Variants in DDOST observed in about 807,000 individuals in gnomAD.
The protein encoded by DDOST is dolichyl-diphosphooligosaccharide--protein glycosyltransferase non-catalytic subunit, also known as dolichyl-diphosphooligosaccharide--protein glycosyltransferase 48 kDa subunit.
Under a neutral mutation model 47.6 loss-of-function variants are expected in DDOST, and 25 were observed. The ratio of observed to expected loss-of-function variants is 0.53; its 90% CI spans 0.38 to 0.73. The LOEUF (loss-of-function observed/expected upper bound fraction) is 0.73, where lower values mean the gene tolerates loss of function less well. Among genes scored for constraint, DDOST ranks in the 30% least tolerant of loss-of-function variants. The pLI is 0.00. For missense variants in DDOST, 526 were observed against 573.9 expected, an observed-to-expected ratio of 0.92 and a Z score of 0.85; for synonymous variants, 275 against 236.0, an observed-to-expected ratio of 1.17 and a Z score of -1.51.
At chr1:20,652,755 G>A in intron 9 of DDOST, 28 bp from the exon 10 acceptor site, 1 of 1,613,872 alleles carries the variant, frequency 6.2e-7, no homozygotes, top group Non-Finnish European at 8.5e-7. Flanking sequence ...AGAATAACCG[G>A]GAGGGGTTTC....
chr1:20,653,183 T>C (rs1451913111), intron 8 of DDOST: 1 of 604,942 alleles, frequency 1.7e-6, no homozygotes, highest in Non-Finnish European at 2.9e-6. Context: ...TCTCTGCCTC[T>C]TCTCTGAAGG....
Position 20,653,670 on chromosome 1 carries a change from C to T in DDOST, c.899G>A (p.Gly300Asp), listed in dbSNP as rs754936579. ...GTAGGCATTGGGTGGGGCTGTCTCG[C>T]CCACCCGATGATGGGACACAGGCCC... is the stretch of plus-strand genomic sequence containing the variant. Reference protein sequence around the residue: ...RVGPVSHHRVGETAPPNAYTV... With the variant: ...RVGPVSHHRVDETAPPNAYTV... The change falls in exon 8 of 11, where the codon GGC (glycine) becomes GAC (aspartate). Residue 300 changes from glycine to aspartate, a missense_variant. Gly to Asp is a moderately conservative substitution (Grantham distance 94). Transcript: ENST00000602624. 1 of 1,613,474 alleles carries T rather than the reference C, an allele frequency of 6.2e-7. No individual in the cohort carries two copies. Among genetic ancestry groups the T allele is most frequent in the South Asian group, 1.1e-5 (1 of 91,044 alleles).
chr1:20,659,912 AAAAC>A lies in DDOST; in HGVS notation c.265+965_265+968del, dbSNP rs370842968. Among the ~76,000 whole-genome samples, 482 of 152,320 alleles carry A rather than the reference AAAAC, an allele frequency of 3.2e-3. 4 individuals are homozygous for A. The highest frequency in any genetic ancestry group is 9.6e-3 in the African/African-American group (399 of 41,562). ...GGACAAAGCAAGACCCTGTCTCAAA[AAAAC>A]AAACAAACAAAAAAGGCACCAATGA... On this transcript the variant is annotated intron_variant, in intron 2 of 10. Transcript: ENST00000602624.
chr1:20,658,243 T>C (rs2053396726), intron 2 of DDOST, among the ~76,000 whole-genome samples: 1 of 152,226 alleles, frequency 6.6e-6, no homozygotes, highest in Non-Finnish European at 1.5e-5. Flanking sequence ...CTTGTAGACA[T>C]GATTGCCAGT....
rs1408934262 is a variant in DDOST at position 20,660,921 on chromosome 1, G to A, written c.225C>T (p.Phe75=). 2.0e-5 allele frequency: 33 copies of A among 1,613,274 alleles called. No homozygotes were observed. The highest frequency in any genetic ancestry group is 2.6e-5 in the Non-Finnish European group (31 of 1,179,284). Residue 75 remains phenylalanine (F), a synonymous_variant, in exon 2 of 11, where the codon TTC becomes TTT. Transcript: ENST00000602624. The stretch of plus-strand genomic sequence containing the variant: ...AGAAAATGATGAGATTGTCATAGAG[G>A]AATTCCCCATACTTTATGAGAGACA... The part of the protein sequence containing the change: ...PSLSLIKYGE[F]LYDNLIIFSP...
rs1328267225 is a variant in DDOST at position 20,654,362 on chromosome 1, C to T, written c.655G>A (p.Ala219Thr). The T allele has an allele frequency of 1.9e-6, 3 of 1,559,498 alleles. No individual in the cohort carries two copies. Among genetic ancestry groups the T allele is most frequent in the Non-Finnish European group, 2.6e-6 (3 of 1,150,656 alleles). ...ATGAGGAGGGTGTTCTTCCCCACCGCATGTGGATACTGGGAACAAAACGAG... is the reference window on the plus strand; with the variant it reads ...ATGAGGAGGGTGTTCTTCCCCACCGTATGTGGATACTGGGAACAAAACGAG... The part of the protein sequence containing the change: ...PDKPITQYPH[A>T]VGKNTLLIAG... Residue 219 changes from alanine to threonine, a missense_variant, in exon 7 of 11, where the codon GCG becomes ACG. Coordinates refer to ENST00000602624, the MANE Select transcript of DDOST (RefSeq NM_005216.5).
At position 20,651,779 on chromosome 1, in the gene DDOST, T is replaced by G. The variant is rs913513624; in HGVS notation, c.*600A>C. On this transcript the variant is annotated 3_prime_UTR_variant, in exon 11 of 11. Coordinates refer to ENST00000602624, the MANE Select transcript of DDOST (RefSeq NM_005216.5). ...ACCAGGACCGGGGCCAGGTGAAGTT[T>G]GAGGGCAACATCTCGCTTTATTTTT... The G allele has an allele frequency of 6.8e-6, 1 of 146,612 alleles. No individual in the cohort carries two copies. The highest frequency in any genetic ancestry group is 1.5e-5 in the Non-Finnish European group (1 of 66,406). 9.1% of individuals were successfully genotyped at this position (146,612 alleles called of 1,614,324 possible).
chr1:20,652,934 T>A lies in DDOST; in HGVS notation c.980A>T (p.Lys327Ile). The A allele has an allele frequency of 6.2e-7, 1 of 1,614,192 alleles. No homozygotes were observed. The highest frequency in any genetic ancestry group is 8.5e-7 in the Non-Finnish European group (1 of 1,180,024). ...GTCATCGCCATCAAAGGGGACCCAT[T>A]TGCCATTTGAGAGCTGCTGGATCAC... is the stretch of plus-strand genomic sequence containing the variant. ...SIVIQQLSNG[K>I]WVPFDGDDIQ... The change falls in exon 9 of 11, where the codon AAA becomes ATA. Residue 327 changes from lysine to isoleucine, a missense_variant. Lys to Ile is a moderately radical substitution (Grantham distance 102). Transcript: ENST00000602624.
In DDOST at chr1:20,655,392, C is replaced by T. The variant is rs372393674; in HGVS notation, c.551+48G>A. 265 of 1,426,986 alleles carry T rather than the reference C, an allele frequency of 1.9e-4. 1 individual carries two copies. The African/African-American group carries it at 3.4e-3, about 18-fold the overall frequency. 88.4% of individuals were successfully genotyped at this position (1,426,986 alleles called of 1,614,324 possible). On this transcript the variant is annotated intron_variant, in intron 5 of 10. Coordinates refer to ENST00000602624, the MANE Select transcript of DDOST (RefSeq NM_005216.5). ...GATTTCCCAAAAAAATTAAGTGACC[C>T]CTTCTTCCCCCAGGTTTCTGCTGTC...
In DDOST at chr1:20,652,832, G is replaced by C. The variant is rs755396887; in HGVS notation, c.1063+19C>G. 1 of 1,614,056 alleles carries C rather than the reference G, an allele frequency of 6.2e-7. No homozygotes were observed. The highest frequency in any genetic ancestry group is 1.1e-5 in the South Asian group (1 of 91,084). The stretch of plus-strand genomic sequence containing the variant: ...TGGGGCCGTTTCTGGCAGCATCCTC[G>C]TGCAGGAACTACACTCACCTTTCTT... On this transcript the variant is annotated intron_variant, in intron 9 of 10. Transcript: ENST00000602624.
intron 2 of DDOST, among the ~76,000 whole-genome samples, chr1:20,657,602 A>G (rs1243188217): frequency 6.6e-6 from 1 of 152,184 alleles, no homozygotes; most frequent in Non-Finnish European, 1.5e-5. Context: ...AAGGACGGAC[A>G]TGCCAATTTC....
chr1:20,653,066 A>C, intron 8 of DDOST, 95 bp from the exon 9 acceptor site: 1 of 1,521,150 alleles, frequency 6.6e-7, no homozygotes, highest in Non-Finnish European at 9.0e-7. Flanking sequence ...CCCGACGAAC[A>C]TGGCAGGAAT....
At position 20,655,489 on chromosome 1, in the gene DDOST, T is replaced by C. The variant is rs372948054; in HGVS notation, c.502A>G (p.Thr168Ala). ...TTTAGAGATGATTTCCCAACGATGGTTGGGGCCTTCAGCAGGTTCTCAGTG... is the reference window on the plus strand; with the variant it reads ...TTTAGAGATGATTTCCCAACGATGGCTGGGGCCTTCAGCAGGTTCTCAGTG... ...ADTENLLKAP[T>A]IVGKSSLNPI... Residue 168 changes from threonine to alanine, a missense_variant, in exon 5 of 11, where the codon ACC becomes GCC. Transcript: ENST00000602624. 3.5e-5 allele frequency: 56 copies of C among 1,613,966 alleles called. No homozygotes were observed. Among genetic ancestry groups the C allele is most frequent in the Middle Eastern group, 3.3e-4 (2 of 6,062 alleles).
chr1:20,653,220 G>C, intron 8 of DDOST: 1 of 565,566 alleles, frequency 1.8e-6, no homozygotes, highest in South Asian at 2.2e-5. Flanking sequence ...CAGTATTCAT[G>C]GCCCATCAAA....
At position 20,655,470 on chromosome 1, in the gene DDOST, G is replaced by A. The variant is rs770937124; in HGVS notation, c.521C>T (p.Ser174Phe). 112 of 1,614,036 alleles carry A rather than the reference G, an allele frequency of 6.9e-5. 3 individuals carry two copies. In the South Asian group the frequency reaches 1.2e-3, roughly 18 times the overall value. ...ACCTCGAAAGAGGATGGGATTTAGA[G>A]ATGATTTCCCAACGATGGTTGGGGC... ...LKAPTIVGKS[S>F]LNPILFRGVG... Residue 174 changes from serine to phenylalanine, a missense_variant, in exon 5 of 11, where the codon TCT becomes TTT. Coordinates refer to ENST00000602624, the MANE Select transcript of DDOST (RefSeq NM_005216.5).
chr1:20,652,841 C>T lies in DDOST; in HGVS notation c.1063+10G>A. On this transcript the variant is annotated intron_variant, in intron 9 of 10. Transcript: ENST00000602624. Reference sequence around the variant, plus strand: ...TTCTGGCAGCATCCTCGTGCAGGAACTACACTCACCTTTCTTCTTCAGGAA... The same window carrying T: ...TTCTGGCAGCATCCTCGTGCAGGAATTACACTCACCTTTCTTCTTCAGGAA... 1 of 1,614,186 alleles carries T rather than the reference C, an allele frequency of 6.2e-7. No homozygotes were observed. Among genetic ancestry groups the T allele is most frequent in the South Asian group, 1.1e-5 (1 of 91,084 alleles).
Position 20,660,721 on chromosome 1 carries a change from G to A in DDOST, c.265+160C>T, listed in dbSNP as rs1056826218. The A allele has an allele frequency of 1.4e-5, 8 of 590,014 alleles. No homozygotes were observed. The Admixed American group carries it at 2.4e-4, about 18-fold the overall frequency. The allele number at this position is 590,014 out of a possible 1,614,324, so 36.5% of individuals were successfully genotyped here. Reference sequence around the variant, plus strand: ...CTTTTAGAAAGATGTACCCTCCTAGGGTCAGGTCAGAAATGAGCATTTTCC... The same window carrying A: ...CTTTTAGAAAGATGTACCCTCCTAGAGTCAGGTCAGAAATGAGCATTTTCC... On this transcript the variant is annotated intron_variant, in intron 2 of 10. Coordinates refer to ENST00000602624, the MANE Select transcript of DDOST (RefSeq NM_005216.5).
At position 20,654,306 on chromosome 1, in the gene DDOST, G is replaced by A. The variant is rs34189097; in HGVS notation, c.711C>T (p.Arg237=). 1.2e-3 allele frequency: 1,873 copies of A among 1,554,558 alleles called. 9 individuals carry two copies. The Middle Eastern group carries it at 0.025, about 21-fold the overall frequency. The change falls in exon 7 of 11, where the codon CGC becomes CGT. Residue 237 remains arginine (R), a synonymous_variant. Coordinates refer to ENST00000602624, the MANE Select transcript of DDOST (RefSeq NM_005216.5). ...IAGLQARNNA[R]VIFSGSLDFF... ...AGTCGAGGGAGCCGCTGAAGATGAC[G>A]CGGGCATTGTTCCTGGCCTGGAGCC...
chr1:20,658,301 C>A (rs2053397183), intron 2 of DDOST, among the ~76,000 whole-genome samples: 1 of 152,252 alleles, frequency 6.6e-6, no homozygotes, highest in Non-Finnish European at 1.5e-5. Flanking sequence ...CACTGGGGCA[C>A]AGACAGGGAA....
Sources: allele counts gnomAD v4.1 joint callset (sites outside exome capture counted in the v4.1 genomes callset), GRCh38; gene constraint gnomAD v4.1.1; transcripts MANE v1.5; gene names NCBI Gene and HGNC (gene_info 2026-07-23, HGNC 2026-07-21).